Variants in MGAT4C observed in about 807,000 individuals in gnomAD.
MGAT4C encodes the protein alpha-1,3-mannosyl-glycoprotein 4-beta-N-acetylglucosaminyltransferase C.
Under a neutral mutation model 40.1 loss-of-function variants are expected in MGAT4C, and 19 were observed. That is an observed-to-expected ratio of 0.47 (90% CI 0.33 to 0.70). The LOEUF (loss-of-function observed/expected upper bound fraction) is 0.70, where lower values mean the gene tolerates loss of function less well. MGAT4C is among the 30% of genes least tolerant of loss of function. The pLI is 0.02. For synonymous variants in MGAT4C, 181 were observed against 187.1 expected (o/e 0.97, Z 0.27); for missense variants, 491 against 563.2 (o/e 0.87, Z 1.30).
intron 1 of MGAT4C, among the ~76,000 whole-genome samples, chr12:86,781,810 C>T (rs1367913011): frequency 1.3e-5 from 2 of 152,034 alleles, no homozygotes; most frequent in Non-Finnish European, 2.9e-5. Context: ...TGGATAATTT[C>T]CATAGTTGTG....
At chr12:86,704,554 T>C (rs1489722493) in intron 2 of MGAT4C, among the ~76,000 whole-genome samples, 1 of 152,130 alleles carries the variant, frequency 6.6e-6, no homozygotes, top group Non-Finnish European at 1.5e-5. Flanking sequence ...ATCTATAGAA[T>C]AACATATGAG....
chr12:86,154,411 C>T (rs1884663450), intron 1 of MGAT4C, among the ~76,000 whole-genome samples: 1 of 152,146 alleles, frequency 6.6e-6, no homozygotes, highest in Admixed American at 6.5e-5. Context: ...TTCAGGGTCC[C>T]TCAGCTCCGG....
Position 86,021,229 on chromosome 12 carries a change from C to T in MGAT4C, c.-7+28445G>A, listed in dbSNP as rs182568913. Among the ~76,000 whole-genome samples the T allele has an allele frequency of 4.6e-5, 7 of 152,242 alleles. No homozygotes were observed. In the East Asian group the frequency reaches 9.7e-4, roughly 21 times the overall value. Reference sequence around the variant, plus strand: ...GAAATACCATTTGACCCAGCCATCTCATTACTGGGTATATACCCAAAGGAT... The same window carrying T: ...GAAATACCATTTGACCCAGCCATCTTATTACTGGGTATATACCCAAAGGAT... On this transcript the variant is annotated intron_variant, in intron 2 of 4. Transcript: ENST00000611864.
intron 4 of MGAT4C, among the ~76,000 whole-genome samples, chr12:86,294,487 T>C (rs201474320): frequency 1.3e-5 from 2 of 152,168 alleles, no homozygotes; most frequent in Non-Finnish European, 2.9e-5. Flanking sequence ...CTCCTCTGCA[T>C]GCAAATACAC....
In MGAT4C at chr12:86,249,800, C is replaced by A. The variant is rs1493416; in HGVS notation, c.-57+6439G>T. 8.6e-5 allele frequency among the ~76,000 whole-genome samples: 13 copies of A among 151,962 alleles called. 1 individual carries two copies. The highest frequency in any genetic ancestry group is 3.2e-3 in the Middle Eastern group (1 of 316). ...TGAAATATCCTTTGCCCACCTGTAC[C>A]TGAAAAAGTCTCTAATTTTCCAAAA... On this transcript the variant is annotated intron_variant, in intron 1 of 4. Transcript: ENST00000611864.
At chr12:86,082,715 C>G (rs1432537909) in intron 1 of MGAT4C, among the ~76,000 whole-genome samples, 1 of 151,994 alleles carries the variant, frequency 6.6e-6, no homozygotes, top group East Asian at 1.9e-4. Flanking sequence ...AAATACATTT[C>G]TATTGGGGTT....
chr12:86,658,584 A>C (rs1963902868), intron 2 of MGAT4C, among the ~76,000 whole-genome samples: 1 of 152,148 alleles, frequency 6.6e-6, no homozygotes, highest in South Asian at 2.1e-4. Flanking sequence ...ACTTAAAACA[A>C]AAAGAATAAA....
At chr12:86,466,675 T>C (rs750289277) in intron 2 of MGAT4C, among the ~76,000 whole-genome samples, 1 of 152,166 alleles carries the variant, frequency 6.6e-6, no homozygotes, top group Non-Finnish European at 1.5e-5. Flanking sequence ...AGAACTCTAA[T>C]GTAAACTATG....
rs1281079931 is a variant in MGAT4C, at chr12:85,960,640, T to A, written c.*18649A>T. 6.6e-6 allele frequency: 1 copy of A among 151,974 alleles called. No individual in the cohort carries two copies. Among genetic ancestry groups the A allele is most frequent in the East Asian group, 1.9e-4 (1 of 5,186 alleles). The allele number at this position is 151,974 out of a possible 1,614,324, so 9.4% of individuals were successfully genotyped here. ...TAGAATGGGTTGCATTATCCTCTCCTTGGAAATATCTTTCAAAGTGGGTAA... is the reference window on the plus strand; with the variant it reads ...TAGAATGGGTTGCATTATCCTCTCCATGGAAATATCTTTCAAAGTGGGTAA... On this transcript the variant is annotated 3_prime_UTR_variant, in exon 5 of 5. Coordinates refer to ENST00000611864, the MANE Select transcript of MGAT4C (RefSeq NM_001351288.2).
intron 4 of MGAT4C, among the ~76,000 whole-genome samples, chr12:86,309,386 C>G (rs931784116): frequency 2.0e-5 from 3 of 152,184 alleles, no homozygotes; most frequent in Non-Finnish European, 4.4e-5. Context: ...GTTTATTTTT[C>G]ATAGTCTGGA....
At chr12:86,489,851 A>C (rs866055090) in intron 2 of MGAT4C, among the ~76,000 whole-genome samples, 1 of 152,218 alleles carries the variant, frequency 6.6e-6, no homozygotes, top group African/African-American at 2.4e-5. Context: ...AATGAAATGA[A>C]GCGAGAAGGG....
At chr12:86,389,548 G>A (rs530061735) in intron 3 of MGAT4C, among the ~76,000 whole-genome samples, 54 of 152,216 alleles carry the variant, frequency 3.5e-4, no homozygotes, top group African/African-American at 1.3e-3. Context: ...ATATTCCTTT[G>A]GGTATGTACC....
intron 1 of MGAT4C, among the ~76,000 whole-genome samples, chr12:86,169,621 T>C (rs976727201): frequency 2.0e-5 from 3 of 152,216 alleles, no homozygotes; most frequent in Admixed American, 6.5e-5. Context: ...TTCATCTCTC[T>C]ACTCCCTACA....
At chr12:86,060,950 C>T (rs762334080) in intron 1 of MGAT4C, among the ~76,000 whole-genome samples, 32 of 152,066 alleles carry the variant, frequency 2.1e-4, no homozygotes, top group African/African-American at 3.1e-4. Context: ...GGAAATCCTG[C>T]GCCCATCATT....
chr12:86,706,617 C>T (rs1950464452), intron 2 of MGAT4C, among the ~76,000 whole-genome samples: 2 of 151,968 alleles, frequency 1.3e-5, no homozygotes, highest in African/African-American at 4.8e-5. Context: ...CTTTAGCCCC[C>T]ATAGAAGCAA....
chr12:86,030,542 G>T (rs192752825), intron 2 of MGAT4C, among the ~76,000 whole-genome samples: 1 of 151,820 alleles, frequency 6.6e-6, no homozygotes, highest in Admixed American at 6.6e-5. Flanking sequence ...CACTTGTTGA[G>T]AAATCTATTA....
At chr12:86,771,654 T>G (rs1164675888) in intron 1 of MGAT4C, among the ~76,000 whole-genome samples, 1 of 151,542 alleles carries the variant, frequency 6.6e-6, no homozygotes, top group African/African-American at 2.4e-5. Flanking sequence ...TGAGACCAAC[T>G]TGTTTATGTA....
At chr12:86,088,021 C>T (rs1357321557) in intron 1 of MGAT4C, among the ~76,000 whole-genome samples, 1 of 151,868 alleles carries the variant, frequency 6.6e-6, no homozygotes, top group Non-Finnish European at 1.5e-5. Flanking sequence ...GGGACTGGTA[C>T]AAAAACAGAC....
chr12:86,109,382 A>G (rs1026671341), intron 1 of MGAT4C, among the ~76,000 whole-genome samples: 2 of 152,126 alleles, frequency 1.3e-5, no homozygotes, highest in Non-Finnish European at 2.9e-5. Context: ...TTCTTATACT[A>G]GCTATTGTTT....
Sources: allele counts gnomAD v4.1 joint callset (sites outside exome capture counted in the v4.1 genomes callset), GRCh38; gene constraint gnomAD v4.1.1; transcripts MANE v1.5; gene names NCBI Gene and HGNC (gene_info 2026-07-23, HGNC 2026-07-21).